ADGRE1: variants seen among roughly 807,000 people sequenced by gnomAD.
The protein encoded by ADGRE1 is EGF-like module receptor 1.
In ADGRE1, 82 loss-of-function variants were observed where a neutral mutation model predicts 102.7. The ratio of observed to expected loss-of-function variants is 0.80; its 90% CI spans 0.67 to 0.96. ADGRE1 has a LOEUF of 0.96. Among genes scored for constraint, ADGRE1 ranks in the 40% least tolerant of loss-of-function variants. The probability of loss-of-function intolerance (pLI) is 0.00; values close to 1 mark genes in which losing one functional copy is unlikely to be tolerated. For missense variants in ADGRE1, 1,032 were observed against 1,085.3 expected, an observed-to-expected ratio of 0.95 and a Z score of 0.69; for synonymous variants, 398 against 399.6, an observed-to-expected ratio of 1.00 and a Z score of 0.05.
intron 2 of ADGRE1, among the ~76,000 whole-genome samples, chr19:6,893,219 C>T (rs567376408): frequency 4.6e-5 from 7 of 151,824 alleles, no homozygotes; most frequent in South Asian, 4.2e-4. Context: ...TTTTTTGAGA[C>T]GGAGTTTTGC....
At chr19:6,906,819 T>C (rs419731) in intron 9 of ADGRE1, among the ~76,000 whole-genome samples, 56,155 of 151,900 alleles carry the variant, frequency 0.37, 12,193 homozygotes, top group African/African-American at 0.6. Context: ...AAGTGAAAAG[T>C]ACGGTCCTTC....
At chr19:6,923,831 G>A (rs961029289) in intron 14 of ADGRE1, among the ~76,000 whole-genome samples, 2 of 150,440 alleles carry the variant, frequency 1.3e-5, no homozygotes, top group African/African-American at 4.9e-5. Flanking sequence ...GAGCCACTGC[G>A]CCCAGCCAAT....
rs529083723 is a variant in ADGRE1 at position 6,940,072 on chromosome 19, G to A, written c.*43G>A. ...AAATATGCTATGGAGCCACAGTTGA[G>A]GACAGTAGTTTCCTGCAGGAGCCTA... On this transcript the variant is annotated 3_prime_UTR_variant, in exon 21 of 21. Coordinates refer to ENST00000312053, the MANE Select transcript of ADGRE1 (RefSeq NM_001974.5). 3 of 1,609,940 alleles carry A rather than the reference G, an allele frequency of 1.9e-6. No homozygotes were observed. Among genetic ancestry groups the A allele is most frequent in the Non-Finnish European group, 1.7e-6 (2 of 1,177,270 alleles).
chr19:6,933,110 A>G (rs1355643793), intron 17 of ADGRE1, among the ~76,000 whole-genome samples: 1 of 152,004 alleles, frequency 6.6e-6, no homozygotes, highest in Non-Finnish European at 1.5e-5. Context: ...AATCCCAGCT[A>G]CTCAGGAGGC....
At chr19:6,921,582 T>G (rs1974667739) in intron 13 of ADGRE1, 131 bp from the exon 14 acceptor site, 8 of 1,076,350 alleles carry the variant, frequency 7.4e-6, no homozygotes, top group Non-Finnish European at 1.0e-5. Flanking sequence ...AATACCAGCA[T>G]TTTTCCCCAT....
chr19:6,919,478 G>A (rs1030270053), intron 12 of ADGRE1, 70 bp from the exon 13 acceptor site: 3 of 941,640 alleles, frequency 3.2e-6, no homozygotes, highest in Admixed American at 1.8e-5. Context: ...GTGTGTGTGT[G>A]TGTTGGGTCT....
chr19:6,908,640 C>T (rs1248819164), intron 9 of ADGRE1, 49 bp from the exon 10 acceptor site: 2 of 1,453,782 alleles, frequency 1.4e-6, no homozygotes, highest in African/African-American at 1.5e-5. Flanking sequence ...TGGGGGAATA[C>T]ATCGATTCAT....
At chr19:6,930,729 C>G (rs1165760038) in intron 17 of ADGRE1, among the ~76,000 whole-genome samples, 1 of 152,168 alleles carries the variant, frequency 6.6e-6, no homozygotes, top group Non-Finnish European at 1.5e-5. Flanking sequence ...TCTCTGCCTC[C>G]TGGGTTCAAG....
chr19:6,920,516 CTTTTTTTT>C (rs3053967), intron 13 of ADGRE1, among the ~76,000 whole-genome samples: 4 of 75,732 alleles, frequency 5.3e-5, no homozygotes, highest in African/African-American at 8.9e-5. Flanking sequence ...ACCATGCCCG[CTTTTTTTT>C]TTTTTTTTTT....
intron 11 of ADGRE1, 134 bp downstream of exon 11, chr19:6,913,964 C>A: frequency 3.1e-6 from 3 of 983,412 alleles, no homozygotes; most frequent in Non-Finnish European, 4.4e-6. Flanking sequence ...CACAGCAAAG[C>A]AAGTCTAATC....
Position 6,897,292 on chromosome 19 carries a change from T to A in ADGRE1, c.382T>A (p.Phe128Ile), listed in dbSNP as rs1344332545. 6.2e-7 allele frequency: 1 copy of A among 1,613,902 alleles called. No homozygotes were observed. Among genetic ancestry groups the A allele is most frequent in the African/African-American group, 1.3e-5 (1 of 74,936 alleles). ...CTGGGTCCCAGGAAAGCCGGGCAATTTCTCCTGTACTGGTAATGCTCTCAG... is the reference window on the plus strand; with the variant it reads ...CTGGGTCCCAGGAAAGCCGGGCAATATCTCCTGTACTGGTAATGCTCTCAG... ...NDWVPGKPGN[F>I]SCTDINECLT... The change falls in exon 4 of 21, where the codon TTC (phenylalanine) becomes ATC (isoleucine). Residue 128 changes from phenylalanine to isoleucine, a missense_variant. By Grantham distance (21) the Phe-to-Ile change is conservative. Coordinates refer to ENST00000312053, the MANE Select transcript of ADGRE1 (RefSeq NM_001974.5).
At chr19:6,904,258 C>T (rs1973870785) in intron 8 of ADGRE1, 76 bp downstream of exon 8, 4 of 1,559,120 alleles carry the variant, frequency 2.6e-6, no homozygotes, top group South Asian at 2.3e-5. Context: ...TCTACCCAAC[C>T]TCGGGATCTT....
rs754792135 is a variant in ADGRE1 at position 6,921,871 on chromosome 19, TG to T, written c.1783del (p.Glu595SerfsTer14). 10 of 1,613,560 alleles carry T rather than the reference TG, an allele frequency of 6.2e-6. No homozygotes were observed. In the African/African-American group the frequency reaches 1.3e-4, roughly 22 times the overall value. ...MANLAVIMAS[G>X]ELTMDFSLYI... Reference sequence around the variant, plus strand: ...CAAATCTTGCCGTTATCATGGCGTCTGGGGAGCTCACGGTCAGTACTGATGA... The same window carrying T: ...CAAATCTTGCCGTTATCATGGCGTCTGGGAGCTCACGGTCAGTACTGATGA... On this transcript the variant is annotated frameshift_variant, in exon 14 of 21. Transcript: ENST00000312053. LOFTEE classifies it high-confidence loss of function.
intron 10 of ADGRE1, among the ~76,000 whole-genome samples, chr19:6,909,092 C>G (rs1974078764): frequency 6.6e-6 from 1 of 150,480 alleles, no homozygotes; most frequent in South Asian, 2.1e-4. Flanking sequence ...CAAGATAGCA[C>G]CACTGCACTT....
At chr19:6,896,346 C>A in intron 2 of ADGRE1, 52 bp from the exon 3 acceptor site, 1 of 1,580,302 alleles carries the variant, frequency 6.3e-7, no homozygotes, top group African/African-American at 1.3e-5. Flanking sequence ...TCCCTTGCAG[C>A]CTCACTCTAA....
chr19:6,901,740 A>AG, intron 5 of ADGRE1, 135 bp from the exon 6 acceptor site: 1 of 915,806 alleles, frequency 1.1e-6, no homozygotes, highest in African/African-American at 1.7e-5. Context: ...CCTGGGAAGA[A>AG]GGGGGGAACA....
chr19:6,926,227 A>C, intron 15 of ADGRE1, 139 bp from the exon 16 acceptor site: 4 of 882,036 alleles, frequency 4.5e-6, no homozygotes, highest in Non-Finnish European at 6.9e-6. Flanking sequence ...GAACCACTGC[A>C]CCTCTCTATA....
At chr19:6,921,684 T>C in intron 13 of ADGRE1, 29 bp from the exon 14 acceptor site, 1 of 1,506,328 alleles carries the variant, frequency 6.6e-7, no homozygotes, top group Non-Finnish European at 8.8e-7. Context: ...CAGAAGACCT[T>C]TGTTTTTTTG....
rs1288944609 is a variant in ADGRE1 at position 6,940,090 on chromosome 19, G to A, written c.*61G>A. The A allele has an allele frequency of 6.3e-7, 1 of 1,580,806 alleles. No individual in the cohort carries two copies. Among genetic ancestry groups the A allele is most frequent in the Non-Finnish European group, 8.7e-7 (1 of 1,153,040 alleles). On this transcript the variant is annotated 3_prime_UTR_variant, in exon 21 of 21. Transcript: ENST00000312053. ...CAGTTGAGGACAGTAGTTTCCTGCAGGAGCCTACCCTGAAATCTCTTCTCA... is the reference window on the plus strand; with the variant it reads ...CAGTTGAGGACAGTAGTTTCCTGCAAGAGCCTACCCTGAAATCTCTTCTCA...
Sources: allele counts gnomAD v4.1 joint callset (sites outside exome capture counted in the v4.1 genomes callset), GRCh38; gene constraint gnomAD v4.1.1; transcripts MANE v1.5; gene names NCBI Gene and HGNC (gene_info 2026-07-23, HGNC 2026-07-21).